Variants in KANSL2 observed in about 807,000 individuals in gnomAD.
KANSL2 encodes NSL complex protein NSL2.
In KANSL2, 34 loss-of-function variants were observed where a neutral mutation model predicts 55.6. The observed-to-expected ratio is 0.61, with a 90% confidence interval of 0.46 to 0.81. KANSL2 has a LOEUF of 0.81. Ranked by LOEUF, KANSL2 falls within the 40% of genes least tolerant of loss-of-function variation. KANSL2 has a pLI of 0.00. For synonymous variants in KANSL2, 209 were observed against 214.3 expected (o/e 0.98, Z 0.22); for missense variants, 502 against 609.9 (o/e 0.82, Z 1.86).
rs542281413 is a variant in KANSL2, at chr12:48,655,429, C to T, written c.1228-369G>A. On this transcript the variant is annotated intron_variant, in intron 8 of 9. Transcript: ENST00000420613. ...ACAAAAACTGCAAAAATAAGCCAGG[C>T]GCGGTGGCACACACCTGTAGTCCCA... 2.6e-3 allele frequency among the ~76,000 whole-genome samples: 394 copies of T among 152,110 alleles called. 1 individual carries two copies. The highest frequency in any genetic ancestry group is 0.01 in the Middle Eastern group (3 of 294).
At chr12:48,680,080 G>A (rs1011659670) in intron 2 of KANSL2, 55 of 431,002 alleles carry the variant, frequency 1.3e-4, no homozygotes, top group Admixed American at 3.5e-5. Flanking sequence ...TGAGGCAAGG[G>A]ATTGGGTCTT....
chr12:48,654,334 T>G, intron 9 of KANSL2, 159 bp from the exon 10 acceptor site: 1 of 874,980 alleles, frequency 1.1e-6, no homozygotes. Context: ...TCCTAGTCCC[T>G]TGGAAGAGCC....
chr12:48,667,631 G>T, intron 7 of KANSL2, 62 bp downstream of exon 7: 5 of 1,279,608 alleles, frequency 3.9e-6, no homozygotes, highest in Non-Finnish European at 5.7e-6. Context: ...AACTAGCACA[G>T]AGATTCCCAC....
At chr12:48,672,790 GCT>G (rs112466156) in intron 4 of KANSL2, among the ~76,000 whole-genome samples, 1,868 of 150,156 alleles carry the variant, frequency 0.012, 43 homozygotes, top group African/African-American at 0.044. Flanking sequence ...AGACAGTCTT[GCT>G]CTGTCACCCA....
chr12:48,665,520 C>T (rs866582913), intron 7 of KANSL2, among the ~76,000 whole-genome samples: 13 of 152,054 alleles, frequency 8.5e-5, no homozygotes, highest in Non-Finnish European at 1.9e-4. Flanking sequence ...GCTGAGATCA[C>T]GGTACTGCAC....
chr12:48,655,826 C>T (rs1415027617), intron 8 of KANSL2, among the ~76,000 whole-genome samples: 1 of 152,012 alleles, frequency 6.6e-6, no homozygotes, highest in Non-Finnish European at 1.5e-5. Context: ...CTTGGGAAGC[C>T]GAAGTGGGAG....
chr12:48,681,374 A>T lies in KANSL2; in HGVS notation c.251+8T>A. ...AGAAAAACGACATATATATCTATACATATATACCCATCTTTCTTCTCTGGC... is the reference window on the plus strand; with the variant it reads ...AGAAAAACGACATATATATCTATACTTATATACCCATCTTTCTTCTCTGGC... On this transcript the variant is annotated splice_region_variant and intron_variant, in intron 2 of 9. Transcript: ENST00000420613. 6.2e-7 allele frequency: 1 copy of T among 1,608,930 alleles called. No individual in the cohort carries two copies. The highest frequency in any genetic ancestry group is 8.5e-7 in the Non-Finnish European group (1 of 1,177,370).
intron 8 of KANSL2, among the ~76,000 whole-genome samples, chr12:48,656,164 G>A (rs191376966): frequency 6.6e-6 from 1 of 152,234 alleles, no homozygotes; most frequent in Admixed American, 6.5e-5. Flanking sequence ...AAGGGAGAAG[G>A]TAGGAAGAAA....
intron 9 of KANSL2, 57 bp downstream of exon 9, chr12:48,654,884 C>G (rs973924109): frequency 4.5e-6 from 7 of 1,540,312 alleles, no homozygotes; most frequent in Non-Finnish European, 6.1e-6. Flanking sequence ...AGCAGGGAAC[C>G]CTCTGCCTGG....
chr12:48,681,118 T>TA (rs1057233108), intron 2 of KANSL2: 6,311 of 131,098 alleles, frequency 0.048, 173 homozygotes, highest in African/African-American at 0.083. Flanking sequence ...CCATCTCTCT[T>TA]AAAAAAAAAA....
intron 2 of KANSL2, 80 bp from the exon 3 acceptor site, chr12:48,679,913 T>A: frequency 1.7e-6 from 2 of 1,211,488 alleles, no homozygotes; most frequent in Non-Finnish European, 2.3e-6. Context: ...AATCTTTAAA[T>A]CATTTTTAGG....
At chr12:48,655,348 C>G (rs954978323) in intron 8 of KANSL2, among the ~76,000 whole-genome samples, 4 of 152,128 alleles carry the variant, frequency 2.6e-5, no homozygotes, top group Admixed American at 2.0e-4. Flanking sequence ...GTAGGCATAT[C>G]ACTTGAGCCC....
At chr12:48,660,243 A>G in intron 8 of KANSL2, 123 bp downstream of exon 8, 1 of 871,522 alleles carries the variant, frequency 1.1e-6, no homozygotes, top group Non-Finnish European at 1.7e-6. Flanking sequence ...ATACAACTAT[A>G]CGTATATATC....
At chr12:48,680,031 G>A (rs974288931) in intron 2 of KANSL2, 198 bp from the exon 3 acceptor site, 1 of 528,902 alleles carries the variant, frequency 1.9e-6, no homozygotes, top group Admixed American at 3.2e-5. Context: ...CAGGACGGAT[G>A]AAGTGGTTCA....
intron 1 of KANSL2, 160 bp downstream of exon 1, chr12:48,682,027 C>A: frequency 1.4e-6 from 1 of 703,028 alleles, no homozygotes; most frequent in Non-Finnish European, 2.6e-6. Context: ...CCATTTTGTC[C>A]TACGGCTCCA....
Position 48,669,133 on chromosome 12 carries a change from C to T in KANSL2, c.849G>A (p.Met283Ile), listed in dbSNP as rs1326788126. The change falls in exon 6 of 10, where the codon ATG (methionine) becomes ATA (isoleucine). Residue 283 changes from methionine (M) to isoleucine (I), a missense_variant. Coordinates refer to ENST00000420613, the MANE Select transcript of KANSL2 (RefSeq NM_017822.4). ...LLHRQLKERR[M>I]LATDGAAQQA... The stretch of plus-strand genomic sequence containing the variant: ...GTTGGGCAGCACCATCTGTGGCCAG[C>T]ATTCTCCGTTCCTTCAACTGCCTAT... 1 of 1,549,838 alleles carries T rather than the reference C, an allele frequency of 6.5e-7. No individual in the cohort carries two copies. Among genetic ancestry groups the T allele is most frequent in the Admixed American group, 2.0e-5 (1 of 50,524 alleles).
intron 3 of KANSL2, 122 bp from the exon 4 acceptor site, chr12:48,679,272 C>T (rs1331832660): frequency 1.4e-6 from 1 of 731,964 alleles, no homozygotes; most frequent in Non-Finnish European, 2.4e-6. Context: ...AAAAAAAAAA[C>T]ACTTAGTACA....
intron 4 of KANSL2, among the ~76,000 whole-genome samples, chr12:48,678,707 A>T (rs186208598): frequency 1.3e-4 from 20 of 152,302 alleles, no homozygotes; most frequent in South Asian, 6.2e-4. Flanking sequence ...ACCCATTCAC[A>T]ACCATTTTCT....
rs1491375201 is a variant in KANSL2, at chr12:48,672,390, CAT to C, written c.546-430_546-429del. Reference sequence around the variant, plus strand: ...ATGTATATATACGTATATATATATACATGTATATATATATATACGTATATATA... The same window carrying C: ...ATGTATATATACGTATATATATATACGTATATATATATATACGTATATATA... On this transcript the variant is annotated intron_variant, in intron 4 of 9. Coordinates refer to ENST00000420613, the MANE Select transcript of KANSL2 (RefSeq NM_017822.4). Among the ~76,000 whole-genome samples, 431 of 127,326 alleles carry C rather than the reference CAT, an allele frequency of 3.4e-3. 6 individuals are homozygous for C. Among genetic ancestry groups the C allele is most frequent in the African/African-American group, 0.012 (395 of 32,012 alleles). 83.5% of individuals were successfully genotyped at this position (127,326 alleles called of 152,430 possible). A position where few individuals can be genotyped will look rare whatever the true frequency, so the allele number is the denominator to read the frequency against.
Sources: allele counts gnomAD v4.1 joint callset (sites outside exome capture counted in the v4.1 genomes callset), GRCh38; gene constraint gnomAD v4.1.1; transcripts MANE v1.5; gene names NCBI Gene and HGNC (gene_info 2026-07-23, HGNC 2026-07-21).